Variants in KNTC1 observed in about 807,000 individuals in gnomAD.
KNTC1 encodes kinetochore associated 1.
A neutral mutation model predicts 314.4 loss-of-function variants in KNTC1; 253 were observed. The observed-to-expected ratio is 0.80, with a 90% CI of 0.73 to 0.89. The LOEUF is 0.89. KNTC1 is among the 40% of genes least tolerant of loss of function. KNTC1 has a pLI of 0.00. For synonymous variants in KNTC1, 901 were observed against 901.4 expected (o/e 1.00, Z 0.01); for missense variants, 2,475 against 2,572.9 (o/e 0.96, Z 0.82).
chr12:122,531,040 A>G lies in KNTC1; in HGVS notation c.129+848A>G, dbSNP rs1961270514. Among the ~76,000 whole-genome samples the G allele has an allele frequency of 1.3e-5, 2 of 150,034 alleles. 1 individual carries two copies. The highest frequency in any genetic ancestry group is 4.2e-4 in the South Asian group (2 of 4,778). On this transcript the variant is annotated intron_variant, in intron 2 of 63. Coordinates refer to ENST00000333479, the MANE Select transcript of KNTC1 (RefSeq NM_014708.6). ...AGTCCCAGCTACTTGGGAGGCTGGT[A>G]TTTAATTCTTTTTTTTTTTTAATAA...
intron 15 of KNTC1, 43 bp from the exon 16 acceptor site, chr12:122,551,578 T>G (rs781501932): frequency 6.2e-7 from 1 of 1,601,770 alleles, no homozygotes; most frequent in East Asian, 2.2e-5. Context: ...TTAAATTCCC[T>G]GAATAATAAG....
At chr12:122,579,024 T>C (rs983165074) in intron 31 of KNTC1, among the ~76,000 whole-genome samples, 1 of 117,904 alleles carries the variant, frequency 8.5e-6, no homozygotes, top group Admixed American at 1.0e-4. Context: ...TAGTCTGTAT[T>C]CTTTTTTTTT....
chr12:122,605,283 T>C (rs758832052), intron 50 of KNTC1, 23 bp from the exon 51 acceptor site: 1 of 1,467,656 alleles, frequency 6.8e-7, no homozygotes, highest in South Asian at 1.2e-5. Context: ...GAGTTTTTCT[T>C]TTCTTTATTT....
intron 44 of KNTC1, among the ~76,000 whole-genome samples, chr12:122,600,829 C>A (rs1871779310): frequency 6.6e-6 from 1 of 152,014 alleles, no homozygotes; most frequent in South Asian, 2.1e-4. Flanking sequence ...CCACACCCAG[C>A]TAATTTTTGT....
At chr12:122,563,629 C>T (rs1231838936) in intron 20 of KNTC1, 10 of 490,916 alleles carry the variant, frequency 2.0e-5, no homozygotes, top group African/African-American at 6.1e-5. Flanking sequence ...GCCACCCTAG[C>T]AGCGAGAAGG....
At chr12:122,615,954 G>A (rs935902724) in intron 57 of KNTC1, among the ~76,000 whole-genome samples, 4 of 151,960 alleles carry the variant, frequency 2.6e-5, no homozygotes, top group African/African-American at 9.7e-5. Context: ...AAGACATTTT[G>A]GCTCCACTCT....
At position 122,563,818 on chromosome 12, in the gene KNTC1, G is replaced by T. The variant is rs1964134324; in HGVS notation, c.1604+1119G>T. On this transcript the variant is annotated intron_variant, in intron 20 of 63. Transcript: ENST00000333479. ...TCCACAGTTTTTTCAGCTTCAGCAG[G>T]AGGCAAAGACTTCAACAGAAGGAGA... 12 of 1,463,182 alleles carry T rather than the reference G, an allele frequency of 8.2e-6. No homozygotes were observed. In the East Asian group the frequency reaches 3.0e-4, roughly 37 times the overall value. 90.6% of individuals were successfully genotyped at this position (1,463,182 alleles called of 1,614,324 possible). A position where few individuals can be genotyped will look rare whatever the true frequency, so the allele number is the denominator to read the frequency against.
At chr12:122,609,289 T>G in intron 51 of KNTC1, 95 bp from the exon 52 acceptor site, 1 of 764,662 alleles carries the variant, frequency 1.3e-6, no homozygotes, top group Non-Finnish European at 2.2e-6. Context: ...ATATCGTATA[T>G]TAGGTTTTTT....
chr12:122,600,706 T>A (rs551842533), intron 44 of KNTC1, among the ~76,000 whole-genome samples: 69 of 152,162 alleles, frequency 4.5e-4, no homozygotes, highest in African/African-American at 1.6e-3. Flanking sequence ...GGTTCTTTTG[T>A]TCAGCCTGGA....
In KNTC1 at chr12:122,577,597, A is replaced by G. The variant is rs1039863691; in HGVS notation, c.2722-75A>G. On this transcript the variant is annotated intron_variant, in intron 30 of 63. Coordinates refer to ENST00000333479, the MANE Select transcript of KNTC1 (RefSeq NM_014708.6). The stretch of plus-strand genomic sequence containing the variant: ...ATGATGTATTTTCATCTTTAAATAG[A>G]AAAGAAAGAGGTAAGGCCACACCGT... 3 of 1,367,188 alleles carry G rather than the reference A, an allele frequency of 2.2e-6. No individual in the cohort carries two copies. In the African/African-American group the frequency reaches 4.4e-5, roughly 20 times the overall value. 84.7% of individuals were successfully genotyped at this position (1,367,188 alleles called of 1,614,324 possible).
chr12:122,566,221 G>A (rs1417844221), intron 20 of KNTC1, among the ~76,000 whole-genome samples: 2 of 151,124 alleles, frequency 1.3e-5, no homozygotes, highest in Non-Finnish European at 2.9e-5. Context: ...GATTACAAGC[G>A]TGAGCCACTG....
At chr12:122,624,735 A>G (rs1295281426) in intron 63 of KNTC1, 47 bp downstream of exon 63, 1 of 1,321,164 alleles carries the variant, frequency 7.6e-7, no homozygotes, top group African/African-American at 1.4e-5. Flanking sequence ...CATTGTTTAT[A>G]TTCCTAGGGC....
At chr12:122,620,634 C>A (rs1467303532) in intron 60 of KNTC1, 26 bp downstream of exon 60, 6 of 1,606,378 alleles carry the variant, frequency 3.7e-6, no homozygotes, top group Non-Finnish European at 5.1e-6. Flanking sequence ...TTCCTCTGGG[C>A]TGCCAAGGAA....
intron 52 of KNTC1, among the ~76,000 whole-genome samples, chr12:122,610,442 G>A (rs1732961986): frequency 6.6e-6 from 1 of 152,164 alleles, no homozygotes; most frequent in African/African-American, 2.4e-5. Flanking sequence ...TGGGTCTAGA[G>A]GTTGAAATGG....
intron 52 of KNTC1, 34 bp downstream of exon 52, chr12:122,609,464 C>G (rs763262304): frequency 3.0e-6 from 4 of 1,344,908 alleles, no homozygotes; most frequent in Non-Finnish European, 4.1e-6. Context: ...TCACCTATAT[C>G]GTGATGCAAA....
intron 20 of KNTC1, among the ~76,000 whole-genome samples, chr12:122,567,842 AT>A (rs1964447153): frequency 6.6e-6 from 1 of 152,180 alleles, no homozygotes; most frequent in Non-Finnish European, 1.5e-5. Flanking sequence ...GCTCAAAAAA[AT>A]AAAGTAAAAT....
chr12:122,586,684 T>C lies in KNTC1; in HGVS notation c.3674-17T>C. 1 of 1,389,246 alleles carries C rather than the reference T, an allele frequency of 7.2e-7. No homozygotes were observed. The highest frequency in any genetic ancestry group is 9.7e-7 in the Non-Finnish European group (1 of 1,033,340). 86.1% of individuals were successfully genotyped at this position (1,389,246 alleles called of 1,614,324 possible). A position where few individuals can be genotyped will look rare whatever the true frequency, so the allele number is the denominator to read the frequency against. On this transcript the variant is annotated splice_polypyrimidine_tract_variant and intron_variant, in intron 37 of 63. Transcript: ENST00000333479. ...CCATCTATTTAGTGTTGTTTAATGT[T>C]TTATTATCTTTTGTAGAAAGCAAGA...
chr12:122,557,718 T>G, intron 18 of KNTC1, 29 bp downstream of exon 18: 1 of 1,531,292 alleles, frequency 6.5e-7, no homozygotes, highest in Non-Finnish European at 9.0e-7. Flanking sequence ...ATTTTGTTTT[T>G]TTGGGGCAGG....
In KNTC1 at chr12:122,615,020, A is replaced by G. The variant is rs1593685850; in HGVS notation, c.5907A>G (p.Leu1969=). The change falls in exon 56 of 64, where the codon TTA becomes TTG. Residue 1969 remains leucine (L), a synonymous_variant. Transcript: ENST00000333479. ...MAVRLVTELC[L]EYKIYDLQLW... ...TAAGATTGGTGACTGAGCTGTGTTTAGAATACAAAATCTATGACCTGCAGC... is the reference window on the plus strand; with the variant it reads ...TAAGATTGGTGACTGAGCTGTGTTTGGAATACAAAATCTATGACCTGCAGC... 1 of 1,613,502 alleles carries G rather than the reference A, an allele frequency of 6.2e-7. No individual in the cohort carries two copies. The highest frequency in any genetic ancestry group is 8.5e-7 in the Non-Finnish European group (1 of 1,179,676).
Sources: allele counts gnomAD v4.1 joint callset (sites outside exome capture counted in the v4.1 genomes callset), GRCh38; gene constraint gnomAD v4.1.1; transcripts MANE v1.5; gene names NCBI Gene and HGNC (gene_info 2026-07-23, HGNC 2026-07-21).